The following PDE3A variants were observed in gnomAD, a reference collection of about 807,000 sequenced individuals.
PDE3A encodes the protein phosphodiesterase 3A.
PDE3A carries 43 observed loss-of-function variants against 98.3 expected under a neutral mutation model. The observed-to-expected ratio is 0.44, with a 90% CI of 0.34 to 0.56. The LOEUF (loss-of-function observed/expected upper bound fraction) is 0.56. Among genes scored for constraint, PDE3A ranks in the 20% least tolerant of loss-of-function variants. The pLI is 0.01. For synonymous variants in PDE3A, 663 were observed against 567.9 expected (o/e 1.17, Z -2.38); for missense variants, 1,427 against 1,440.7 (o/e 0.99, Z 0.15).
intron 1 of PDE3A, among the ~76,000 whole-genome samples, chr12:20,504,226 CAT>C (rs1340538815): frequency 6.6e-6 from 1 of 151,884 alleles, no homozygotes. Context: ...TGCAGATAAA[CAT>C]GTGTATCTAC....
At chr12:20,613,975 C>T (rs1487832989) in intron 3 of PDE3A, among the ~76,000 whole-genome samples, 1 of 151,964 alleles carries the variant, frequency 6.6e-6, no homozygotes, top group Non-Finnish European at 1.5e-5. Context: ...TTCTATATGC[C>T]AGGCGCTTTT....
rs1944891033 is a variant in PDE3A, at chr12:20,650,505, A to G, written c.2830A>G (p.Met944Val). ...NENDRLLVCQ[M>V]CIKLADINGP... The stretch of plus-strand genomic sequence containing the variant: ...AAATGATCGTCTACTGGTTTGTCAA[A>G]TGTGTATAAAGTTGGCTGATATCAA... The change falls in exon 14 of 16, where the codon ATG (methionine) becomes GTG (valine). Residue 944 changes from methionine to valine, a missense_variant. By Grantham distance (21) the Met-to-Val change is conservative (BLOSUM62 1). This residue lies in a region of PDE3A where 273 missense variants were observed against 420.3 expected (regional missense o/e 0.65). Transcript: ENST00000359062. 1 of 1,610,778 alleles carries G rather than the reference A, an allele frequency of 6.2e-7. No individual in the cohort carries two copies. Among genetic ancestry groups the G allele is most frequent in the African/African-American group, 1.3e-5 (1 of 74,980 alleles).
intron 15 of PDE3A, among the ~76,000 whole-genome samples, chr12:20,668,631 T>A (rs1247667496): frequency 2.0e-5 from 3 of 152,042 alleles, no homozygotes; most frequent in Non-Finnish European, 4.4e-5. Context: ...GACCTGCAGC[T>A]GAGGGTCCTG....
rs1000591160 is a variant in PDE3A, at chr12:20,686,894, C to T, written c.*6623C>T. On this transcript the variant is annotated 3_prime_UTR_variant, in exon 16 of 16. Coordinates refer to ENST00000359062, the MANE Select transcript of PDE3A (RefSeq NM_000921.5). ...GGGAGTGAACACTACATAAAATTTG[C>T]AGGGTATCCCAGGACACCCCTCAGT... 1.3e-5 allele frequency among the ~76,000 whole-genome samples: 2 copies of T among 152,068 alleles called. No homozygotes were observed. Among genetic ancestry groups the T allele is most frequent in the Non-Finnish European group, 2.9e-5 (2 of 67,978 alleles).
chr12:20,486,644 G>GT (rs1392348822), intron 1 of PDE3A, among the ~76,000 whole-genome samples: 4 of 152,180 alleles, frequency 2.6e-5, no homozygotes, highest in Middle Eastern at 3.4e-3. Flanking sequence ...TTATTTGTTT[G>GT]TTTTTTTGAG....
chr12:20,669,896 C>G (rs1346121669), intron 15 of PDE3A, among the ~76,000 whole-genome samples: 4 of 152,016 alleles, frequency 2.6e-5, no homozygotes, highest in African/African-American at 9.7e-5. Context: ...TTAAAAGACA[C>G]AGACTGGCAA....
intron 1 of PDE3A, among the ~76,000 whole-genome samples, chr12:20,544,686 C>T (rs1480426324): frequency 1.3e-5 from 2 of 151,892 alleles, no homozygotes; most frequent in Admixed American, 1.3e-4. Context: ...ATATTTTAAT[C>T]CATATTTAAC....
intron 1 of PDE3A, among the ~76,000 whole-genome samples, chr12:20,400,379 GTTTT>G (rs75851941): frequency 3.6e-5 from 4 of 110,266 alleles, no homozygotes; most frequent in African/African-American, 8.3e-5. Context: ...GTTAACATTG[GTTTT>G]TTTTTTTTTT....
intron 1 of PDE3A, among the ~76,000 whole-genome samples, chr12:20,443,981 AAAG>A (rs1185063683): frequency 6.6e-6 from 1 of 152,178 alleles, no homozygotes; most frequent in Non-Finnish European, 1.5e-5. Context: ...GAGAGAAGGA[AAAG>A]AAGGAGGGAG....
intron 1 of PDE3A, 80 bp from the exon 2 acceptor site, chr12:20,556,580 G>A: frequency 1.1e-6 from 1 of 908,346 alleles, no homozygotes; most frequent in South Asian, 1.4e-5. Context: ...GGAACAACCT[G>A]ATTATTCTTT....
chr12:20,421,952 T>G (rs1172970516), intron 1 of PDE3A, among the ~76,000 whole-genome samples: 1 of 152,208 alleles, frequency 6.6e-6, no homozygotes, highest in African/African-American at 2.4e-5. Context: ...ATTGTGAAGT[T>G]TTATGAATAT....
intron 15 of PDE3A, among the ~76,000 whole-genome samples, chr12:20,655,369 G>A (rs745838485): frequency 2.6e-5 from 4 of 152,118 alleles, no homozygotes; most frequent in East Asian, 1.9e-4. Flanking sequence ...GCAAAGGTCC[G>A]GGGATGTACA....
intron 1 of PDE3A, among the ~76,000 whole-genome samples, chr12:20,425,982 C>T (rs921139128): frequency 6.6e-6 from 1 of 152,038 alleles, no homozygotes; most frequent in Non-Finnish European, 1.5e-5. Flanking sequence ...ATACAGATTA[C>T]GTTAATTACT....
chr12:20,662,364 C>A (rs1279413921), intron 15 of PDE3A, among the ~76,000 whole-genome samples: 2 of 151,190 alleles, frequency 1.3e-5, no homozygotes, highest in African/African-American at 4.9e-5. Context: ...AAAAGTCACT[C>A]TTGTTTTGCT....
intron 2 of PDE3A, among the ~76,000 whole-genome samples, chr12:20,564,355 A>G (rs544222240): frequency 6.6e-6 from 1 of 152,290 alleles, no homozygotes; most frequent in South Asian, 2.1e-4. Flanking sequence ...TTTAGTGATT[A>G]ATCTTGACAC....
Position 20,667,548 on chromosome 12 carries a change from G to A in PDE3A, c.3185-12482G>A, listed in dbSNP as rs116493202. Among the ~76,000 whole-genome samples, 473 of 152,220 alleles carry A rather than the reference G, an allele frequency of 3.1e-3. 3 individuals are homozygous for A. The highest frequency in any genetic ancestry group is 0.011 in the African/African-American group (455 of 41,530). On this transcript the variant is annotated intron_variant, in intron 15 of 15. Coordinates refer to ENST00000359062, the MANE Select transcript of PDE3A (RefSeq NM_000921.5). ...AAAAGATGTCCTTTCTTCAATATATGTTCTTGGCACCTTTGTCATAAATCA... is the reference window on the plus strand; with the variant it reads ...AAAAGATGTCCTTTCTTCAATATATATTCTTGGCACCTTTGTCATAAATCA...
Position 20,646,809 on chromosome 12 carries a change from T to C in PDE3A, c.2424T>C (p.Asn808=), listed in dbSNP as rs1944787077. 1 of 1,611,014 alleles carries C rather than the reference T, an allele frequency of 6.2e-7. No individual in the cohort carries two copies. The highest frequency in any genetic ancestry group is 1.7e-5 in the Admixed American group (1 of 59,988). Residue 808 remains asparagine, a synonymous_variant, in exon 12 of 16, where the codon AAT becomes AAC. Coordinates refer to ENST00000359062, the MANE Select transcript of PDE3A (RefSeq NM_000921.5). ...HMGYVFSKTY[N]VTDDKYGCLS... is the part of the protein sequence containing the mutation. ...GATATGTATTCTCAAAAACGTATAATGTGACAGATGATAAATACGGATGTC... is the reference window on the plus strand; with the variant it reads ...GATATGTATTCTCAAAAACGTATAACGTGACAGATGATAAATACGGATGTC...
chr12:20,377,902 C>T (rs1943600223), intron 1 of PDE3A, among the ~76,000 whole-genome samples: 1 of 151,668 alleles, frequency 6.6e-6, no homozygotes. Context: ...AAACACAACA[C>T]ATGTTCATGA....
Position 20,653,233 on chromosome 12 carries a change from A to G in PDE3A, c.2926-714A>G, listed in dbSNP as rs527796604. On this transcript the variant is annotated intron_variant, in intron 14 of 15. Transcript: ENST00000359062. The stretch of plus-strand genomic sequence containing the variant: ...GAAACCACACAATCACAGGAGATAT[A>G]TTAAAATTCAAACAAAATCTGGGAT... 2.0e-5 allele frequency among the ~76,000 whole-genome samples: 3 copies of G among 152,364 alleles called. No homozygotes were observed. The South Asian group carries it at 6.2e-4, about 32-fold the overall frequency.
Sources: gnomAD v4.1 joint callset for allele counts (sites outside exome capture counted in the v4.1 genomes callset) on GRCh38, gnomAD v4.1.1 for gene constraint, gnomAD v4.1.1 regional missense constraint, MANE v1.5 for transcripts, NCBI Gene and HGNC (gene_info 2026-07-23, HGNC 2026-07-21) for gene names.